The following FHIT variants were observed in gnomAD, a reference collection of about 807,000 sequenced individuals.
FHIT encodes the protein fragile histidine triad diadenosine triphosphatase, also known as bis(5'-adenosyl)-triphosphatase.
In FHIT, 19 loss-of-function variants were observed where a neutral mutation model predicts 17.9. That is an observed-to-expected ratio of 1.06 (90% confidence interval 0.74 to 1.56). FHIT has a LOEUF of 1.56. FHIT is among the 40% of genes most tolerant of loss of function. The probability of loss-of-function intolerance (pLI) is 0.00; values close to 1 mark genes in which losing one functional copy is unlikely to be tolerated. For synonymous variants in FHIT, 81 were observed against 69.7 expected (o/e 1.16, Z -0.81); for missense variants, 248 against 189.2 (o/e 1.31, Z -1.82).
chr3:61,169,682 T>C (rs2037941079), intron 2 of FHIT, among the ~76,000 whole-genome samples: 1 of 152,200 alleles, frequency 6.6e-6, no homozygotes, highest in Non-Finnish European at 1.5e-5. Context: ...ACAAAAATTG[T>C]GCAGAGGGGC....
chr3:60,013,311 G>C (rs1461020363), intron 6 of FHIT, among the ~76,000 whole-genome samples: 1 of 152,132 alleles, frequency 6.6e-6, no homozygotes, highest in Non-Finnish European at 1.5e-5. Flanking sequence ...CAATTACAGA[G>C]TCATCCAATT....
intron 7 of FHIT, among the ~76,000 whole-genome samples, chr3:59,944,055 T>A (rs1706673338): frequency 1.3e-5 from 2 of 152,352 alleles, no homozygotes; most frequent in South Asian, 4.1e-4. Flanking sequence ...ATACTAGCTA[T>A]GATTTAACAT....
At position 61,134,100 on chromosome 3, in the gene FHIT, T is replaced by TACACAC. The variant is rs150931006; in HGVS notation, c.-164+66511_-164+66516dup. Reference sequence around the variant, plus strand: ...TGAGACTCTGTCTCACACACACACATACACACACACACACACACACACACA... The same window carrying TACACAC: ...TGAGACTCTGTCTCACACACACACATACACACACACACACACACACACACACACACA... On this transcript the variant is annotated intron_variant, in intron 2 of 9. Transcript: ENST00000492590. 3.3e-3 allele frequency among the ~76,000 whole-genome samples: 441 copies of TACACAC among 134,960 alleles called. 4 individuals are homozygous for TACACAC. The highest frequency in any genetic ancestry group is 8.5e-3 in the African/African-American group (295 of 34,548). The allele number at this position is 134,960 out of a possible 152,430, so 88.5% of individuals were successfully genotyped here. A position where few individuals can be genotyped will look rare whatever the true frequency, so the allele number is the denominator to read the frequency against.
intron 1 of FHIT, among the ~76,000 whole-genome samples, chr3:61,241,453 GGAA>G (rs1446367959): frequency 6.6e-6 from 1 of 152,158 alleles, no homozygotes; most frequent in Non-Finnish European, 1.5e-5. Flanking sequence ...CTAAGATGTG[GGAA>G]GAAGACTTCT....
At chr3:60,657,625 G>A (rs1231066053) in intron 4 of FHIT, among the ~76,000 whole-genome samples, 5 of 152,234 alleles carry the variant, frequency 3.3e-5, no homozygotes, top group South Asian at 4.2e-4. Flanking sequence ...TTGACCAAAC[G>A]TTAATCAGGC....
At chr3:59,907,854 G>A (rs1221649600) in intron 8 of FHIT, among the ~76,000 whole-genome samples, 1 of 152,166 alleles carries the variant, frequency 6.6e-6, no homozygotes, top group Non-Finnish European at 1.5e-5. Context: ...GAGGCTCTTT[G>A]CCTTTTCCAG....
At chr3:60,992,170 G>A (rs189574568) in intron 3 of FHIT, among the ~76,000 whole-genome samples, 118 of 152,312 alleles carry the variant, frequency 7.7e-4, no homozygotes, top group Non-Finnish European at 1.5e-5. Flanking sequence ...AAGAACAGGT[G>A]AAACTAACTG....
chr3:60,328,052 G>A (rs1709785026), intron 5 of FHIT, among the ~76,000 whole-genome samples: 1 of 152,178 alleles, frequency 6.6e-6, no homozygotes, highest in South Asian at 2.1e-4. Context: ...GAAGAAGCAA[G>A]AAAGAGAACC....
intron 5 of FHIT, among the ~76,000 whole-genome samples, chr3:60,143,429 A>G (rs918614746): frequency 1.3e-5 from 2 of 152,116 alleles, no homozygotes; most frequent in African/African-American, 4.8e-5. Flanking sequence ...CTACAGCCAT[A>G]GAAGTAAGTG....
At chr3:60,759,007 G>C (rs552580471) in intron 4 of FHIT, among the ~76,000 whole-genome samples, 17 of 152,186 alleles carry the variant, frequency 1.1e-4, no homozygotes, top group African/African-American at 4.1e-4. Flanking sequence ...GTGTGTTCTG[G>C]GGGCGGAAAT....
At chr3:59,903,249 A>C (rs907724242) in intron 8 of FHIT, among the ~76,000 whole-genome samples, 1 of 152,180 alleles carries the variant, frequency 6.6e-6, no homozygotes. Context: ...ATAGAGACAG[A>C]AAGTAGATTA....
chr3:60,525,594 T>C (rs1221663467), intron 5 of FHIT, among the ~76,000 whole-genome samples: 1 of 152,220 alleles, frequency 6.6e-6, no homozygotes, highest in African/African-American at 2.4e-5. Context: ...AATAATATCT[T>C]GGGCAGAACG....
chr3:61,235,556 G>T (rs1158603295), intron 1 of FHIT, among the ~76,000 whole-genome samples: 1 of 152,106 alleles, frequency 6.6e-6, no homozygotes, highest in African/African-American at 2.4e-5. Flanking sequence ...GGAAAAATTA[G>T]CTGGGTGCAG....
At chr3:59,785,735 T>C (rs1702821390) in intron 8 of FHIT, among the ~76,000 whole-genome samples, 1 of 152,230 alleles carries the variant, frequency 6.6e-6, no homozygotes. Context: ...TAATGCTTGG[T>C]ATTTGGGAAA....
chr3:60,115,984 CTCTT>C (rs563309914), intron 5 of FHIT, among the ~76,000 whole-genome samples: 3 of 152,252 alleles, frequency 2.0e-5, no homozygotes, highest in South Asian at 4.2e-4. Context: ...GTTAACTCTT[CTCTT>C]TATTTCTCTC....
intron 5 of FHIT, among the ~76,000 whole-genome samples, chr3:60,017,725 G>C (rs1319983354): frequency 6.6e-6 from 1 of 152,174 alleles, no homozygotes; most frequent in Non-Finnish European, 1.5e-5. Context: ...GAACACTTTA[G>C]GTGTTTTTGC....
intron 1 of FHIT, among the ~76,000 whole-genome samples, chr3:61,221,260 C>G (rs1483677619): frequency 6.6e-6 from 1 of 152,146 alleles, no homozygotes; most frequent in African/African-American, 2.4e-5. Flanking sequence ...TAACATGGCC[C>G]CAGTATGTTT....
At chr3:59,978,006 G>A (rs1165274690) in intron 7 of FHIT, among the ~76,000 whole-genome samples, 2 of 152,154 alleles carry the variant, frequency 1.3e-5, no homozygotes, top group East Asian at 1.9e-4. Flanking sequence ...GTTAATAAAT[G>A]CATTTAGCAA....
At chr3:59,762,167 G>A (rs545225007) in intron 8 of FHIT, among the ~76,000 whole-genome samples, 14 of 152,252 alleles carry the variant, frequency 9.2e-5, no homozygotes, top group East Asian at 3.9e-4. Context: ...GGGAGGATCC[G>A]CATCCTGGCC....
Sources: gnomAD v4.1 joint callset for allele counts (sites outside exome capture counted in the v4.1 genomes callset) on GRCh38, gnomAD v4.1.1 for gene constraint, MANE v1.5 for transcripts, NCBI Gene and HGNC (gene_info 2026-07-23, HGNC 2026-07-21) for gene names.